Variants in DACH2 observed in about 807,000 individuals in gnomAD.
The protein encoded by DACH2 is dachshund homolog 2.
A neutral mutation model predicts 35.8 loss-of-function variants in DACH2; 17 were observed. That is an observed-to-expected ratio of 0.48 (90% CI 0.33 to 0.71). DACH2 has a LOEUF of 0.71. Ranked by LOEUF, DACH2 falls within the 30% of genes least tolerant of loss-of-function variation. DACH2 has a pLI of 0.02. For missense variants in DACH2, 469 were observed against 472.7 expected (o/e 0.99, Z 0.07); for synonymous variants, 195 against 177.3 (o/e 1.10, Z -0.79).
intron 2 of DACH2, among the ~76,000 whole-genome samples, chrX:86,502,051 C>A (rs866702760): frequency 3.4e-5 from 3 of 89,411 alleles, no homozygotes; most frequent in African/African-American, 1.3e-4. Context: ...TCCTTCCTTC[C>A]TTCTTTCTTT....
At chrX:86,360,679 G>A (rs994544743) in intron 1 of DACH2, among the ~76,000 whole-genome samples, 7 of 87,473 alleles carry the variant, frequency 8.0e-5, no homozygotes, top group African/African-American at 2.9e-4. Context: ...CCTTTCCTGA[G>A]AAGAATTGAA....
chrX:86,347,266 T>C (rs1390687846), intron 1 of DACH2, among the ~76,000 whole-genome samples: 2 of 112,731 alleles, frequency 1.8e-5, no homozygotes, highest in Admixed American at 1.9e-4. Context: ...TATTTTGCTC[T>C]GATTAAGTGC....
intron 6 of DACH2, among the ~76,000 whole-genome samples, chrX:86,731,472 A>G (rs185043518): frequency 8.9e-6 from 1 of 111,828 alleles, no homozygotes; most frequent in Admixed American, 9.5e-5. Context: ...GCAAACAACA[A>G]AAACTTTTCC....
At chrX:86,696,909 T>C (rs972468982) in intron 5 of DACH2, among the ~76,000 whole-genome samples, 2 of 111,786 alleles carry the variant, frequency 1.8e-5, no homozygotes, top group Admixed American at 1.9e-4. Flanking sequence ...CTCATAGTGC[T>C]CTGTTCTCCT....
At chrX:86,388,942 C>T (rs1002139117) in intron 2 of DACH2, among the ~76,000 whole-genome samples, 1 of 111,294 alleles carries the variant, frequency 9.0e-6, no homozygotes, top group Middle Eastern at 4.3e-3. Context: ...CTGTATCTCT[C>T]TTGCTCAAAA....
intron 1 of DACH2, among the ~76,000 whole-genome samples, chrX:86,180,176 G>GTGTATATATATATATATATATATATA (rs2031434393): frequency 4.7e-5 from 2 of 42,930 alleles, no homozygotes; most frequent in Non-Finnish European, 9.4e-5. Context: ...ATGCTAAACC[G>GTGTATATATATATATATATATATATA]TATATATATA....
intron 1 of DACH2, among the ~76,000 whole-genome samples, chrX:86,181,429 T>C (rs2031491090): frequency 9.0e-6 from 1 of 111,107 alleles, no homozygotes; most frequent in Non-Finnish European, 1.9e-5. Flanking sequence ...AGTGAAAACA[T>C]GCGATGTTTG....
At chrX:86,574,083 A>G in intron 3 of DACH2, among the ~76,000 whole-genome samples, 1 of 111,821 alleles carries the variant, frequency 8.9e-6, no homozygotes, top group East Asian at 2.8e-4. Flanking sequence ...ACCTATTCTG[A>G]TGTCACTTAT....
intron 1 of DACH2, among the ~76,000 whole-genome samples, chrX:86,213,324 A>G (rs1022250667): frequency 1.8e-5 from 2 of 111,275 alleles, no homozygotes; most frequent in Non-Finnish European, 3.8e-5. Flanking sequence ...ATATTTCCCA[A>G]TAGTACTGCT....
intron 2 of DACH2, among the ~76,000 whole-genome samples, chrX:86,469,332 C>T (rs1224515317): frequency 1.8e-5 from 2 of 110,799 alleles, no homozygotes; most frequent in Admixed American, 9.7e-5. Context: ...ATGAAAATTT[C>T]TTAGGAAGGA....
At chrX:86,260,946 A>G (rs1392278914) in intron 1 of DACH2, among the ~76,000 whole-genome samples, 1 of 112,363 alleles carries the variant, frequency 8.9e-6, no homozygotes, top group Non-Finnish European at 1.9e-5. Flanking sequence ...AGGATGTTCC[A>G]TCTTAAGCCT....
At position 86,148,891 on chromosome X, in the gene DACH2, C is replaced by T. The variant is rs750555583; in HGVS notation, c.271C>T (p.Leu91=). The stretch of plus-strand genomic sequence containing the variant: ...GATGGACGGCCAGGAACTGATCTGC[C>T]TGCCGCAAGTCTTTGATCTTTTTCT... ...FLMDGQELIC[L]PQVFDLFLKH... The change falls in exon 1 of 12, where the codon CTG becomes TTG. Residue 91 remains leucine, a synonymous_variant. Coordinates refer to ENST00000373125, the MANE Select transcript of DACH2 (RefSeq NM_053281.3). 1 of 1,211,281 alleles carries T rather than the reference C, an allele frequency of 8.3e-7. No individual in the cohort carries two copies. The highest frequency in any genetic ancestry group is 1.1e-6 in the Non-Finnish European group (1 of 895,476).
At chrX:86,553,752 T>A (rs968878289) in intron 3 of DACH2, among the ~76,000 whole-genome samples, 20 of 111,828 alleles carry the variant, frequency 1.8e-4, no homozygotes, top group African/African-American at 6.5e-4. Context: ...ACTATAAAGG[T>A]CAGATGTGTA....
intron 1 of DACH2, among the ~76,000 whole-genome samples, chrX:86,212,798 A>G (rs2032476358): frequency 9.0e-6 from 1 of 111,364 alleles, no homozygotes; most frequent in Non-Finnish European, 1.9e-5. Context: ...TTTTAAGACA[A>G]TGTGTTCTAA....
intron 3 of DACH2, among the ~76,000 whole-genome samples, chrX:86,600,761 G>A (rs757195520): frequency 9.0e-6 from 1 of 111,574 alleles, no homozygotes; most frequent in Non-Finnish European, 1.9e-5. Flanking sequence ...AAGCTCTCCT[G>A]TACCTTCCAG....
rs1602423411 is a variant in DACH2, at chrX:86,342,959, G to A, written c.489-33865G>A. 2.7e-5 allele frequency among the ~76,000 whole-genome samples: 3 copies of A among 111,552 alleles called. No individual in the cohort carries two copies. In the South Asian group the frequency reaches 1.1e-3, roughly 42 times the overall value. ...TTGCCAAAGGCTCAGATGATTCTTAGCATTTTAAAGCACAATAATTGTTTA... is the reference window on the plus strand; with the variant it reads ...TTGCCAAAGGCTCAGATGATTCTTAACATTTTAAAGCACAATAATTGTTTA... On this transcript the variant is annotated intron_variant, in intron 1 of 11. Transcript: ENST00000373125.
At chrX:86,254,838 A>AGAGAGAGAGAGAGAGAG (rs1569318220) in intron 1 of DACH2, among the ~76,000 whole-genome samples, 3 of 88,445 alleles carry the variant, frequency 3.4e-5, no homozygotes, top group African/African-American at 1.3e-4. Context: ...AGAGAGAGAG[A>AGAGAGAGAGAGAGAGAG]AGGTTTATAA....
At chrX:86,285,668 A>G (rs1458808081) in intron 1 of DACH2, among the ~76,000 whole-genome samples, 4 of 111,682 alleles carry the variant, frequency 3.6e-5, no homozygotes, top group Non-Finnish European at 7.5e-5. Flanking sequence ...GTAAATATCT[A>G]TTATGTTCAT....
At chrX:86,191,171 T>A (rs898515711) in intron 1 of DACH2, among the ~76,000 whole-genome samples, 6 of 111,509 alleles carry the variant, frequency 5.4e-5, no homozygotes, top group African/African-American at 2.0e-4. Context: ...TAAAGACACA[T>A]GCACGTGTAT....
Sources: allele counts gnomAD v4.1 joint callset (sites outside exome capture counted in the v4.1 genomes callset), GRCh38; gene constraint gnomAD v4.1.1; transcripts MANE v1.5; gene names NCBI Gene and HGNC (gene_info 2026-07-23, HGNC 2026-07-21).